The following LAMA2 variants were observed in gnomAD, a reference collection of about 807,000 sequenced individuals.
The protein encoded by LAMA2 is laminin subunit alpha-2.
LAMA2 carries 269 observed loss-of-function variants against 364.8 expected under a neutral mutation model. The ratio of observed to expected loss-of-function variants is 0.74; its 90% CI spans 0.67 to 0.82. The LOEUF is 0.82. Among genes scored for constraint, LAMA2 ranks in the 40% least tolerant of loss-of-function variants. The pLI, the probability that LAMA2 is intolerant of heterozygous loss-of-function variation, is 0.00. For synonymous variants in LAMA2, 1,379 were observed against 1,370.6 expected, an observed-to-expected ratio of 1.01 and a Z score of -0.14; for missense variants, 3,807 against 3,873.2, an observed-to-expected ratio of 0.98 and a Z score of 0.45.
At chr6:128,934,360 A>G (rs79759754) in intron 1 of LAMA2, among the ~76,000 whole-genome samples, 12,001 of 152,076 alleles carry the variant, frequency 0.079, 657 homozygotes, top group Non-Finnish European at 0.12. Context: ...TGAAATCAGG[A>G]CCCATGGTGC....
intron 58 of LAMA2, among the ~76,000 whole-genome samples, chr6:129,498,376 C>CTGAT (rs1785359208): frequency 6.6e-6 from 1 of 152,196 alleles, no homozygotes; most frequent in Non-Finnish European, 1.5e-5. Flanking sequence ...AAAGGATAAA[C>CTGAT]TGATTGGATA....
At chr6:129,119,549 ATTAT>A (rs563539716) in intron 4 of LAMA2, among the ~76,000 whole-genome samples, 3 of 151,080 alleles carry the variant, frequency 2.0e-5, no homozygotes, top group Non-Finnish European at 4.4e-5. Flanking sequence ...TAATTAATTA[ATTAT>A]TTATTTATTT....
intron 29 of LAMA2, among the ~76,000 whole-genome samples, chr6:129,331,642 C>T (rs554959805): frequency 6.6e-6 from 1 of 152,076 alleles, no homozygotes; most frequent in East Asian, 1.9e-4. Flanking sequence ...TCTCCTCCTT[C>T]TTATATTGTC....
intron 1 of LAMA2, among the ~76,000 whole-genome samples, chr6:128,996,093 C>T (rs750117653): frequency 2.2e-4 from 34 of 152,118 alleles, no homozygotes; most frequent in African/African-American, 5.3e-4. Context: ...ATTGTATATG[C>T]GGTAAGTGCT....
Position 129,192,744 on chromosome 6 carries a change from A to G in LAMA2, c.1673A>G (p.Gln558Arg). The change falls in exon 12 of 65, where the codon CAG (glutamine) becomes CGG (arginine). Residue 558 changes from glutamine to arginine, a missense_variant. By Grantham distance (43) the Gln-to-Arg change is conservative. Coordinates refer to ENST00000421865, the MANE Select transcript of LAMA2 (RefSeq NM_000426.4). ...GGCCGCATTCGAGTGGCTCCCCAGCAGGACGACTTGGACTCACCTCAGCAG... is the reference window on the plus strand; with the variant it reads ...GGCCGCATTCGAGTGGCTCCCCAGCGGGACGACTTGGACTCACCTCAGCAG... ...LPGRIRVAPQ[Q>R]DDLDSPQQIS... 1 of 1,614,216 alleles carries G rather than the reference A, an allele frequency of 6.2e-7. No individual in the cohort carries two copies. The highest frequency in any genetic ancestry group is 8.5e-7 in the Non-Finnish European group (1 of 1,180,036).
chr6:129,345,800 C>T (rs186467027), intron 30 of LAMA2, among the ~76,000 whole-genome samples: 109 of 152,148 alleles, frequency 7.2e-4, no homozygotes, highest in African/African-American at 2.6e-3. Flanking sequence ...TTTCATGAGT[C>T]ACTTATATCA....
At chr6:129,022,442 C>T (rs1017345098) in intron 1 of LAMA2, among the ~76,000 whole-genome samples, 4 of 152,222 alleles carry the variant, frequency 2.6e-5, no homozygotes, top group East Asian at 1.9e-4. Flanking sequence ...TCATTTACTC[C>T]GAAATTAAGT....
At chr6:128,890,644 A>C (rs1397194640) in intron 1 of LAMA2, among the ~76,000 whole-genome samples, 1 of 152,022 alleles carries the variant, frequency 6.6e-6, no homozygotes, top group Non-Finnish European at 1.5e-5. Context: ...TGCATTCATC[A>C]AATTTTAGTG....
intron 41 of LAMA2, among the ~76,000 whole-genome samples, chr6:129,431,267 T>C (rs910860958): frequency 1.3e-5 from 2 of 151,666 alleles, no homozygotes; most frequent in Non-Finnish European, 2.9e-5. Context: ...GGCATGGTGG[T>C]GGGTGCCTGT....
chr6:129,171,248 T>C (rs1780131234), intron 9 of LAMA2, among the ~76,000 whole-genome samples: 1 of 152,226 alleles, frequency 6.6e-6, no homozygotes, highest in African/African-American at 2.4e-5. Flanking sequence ...GCTCGTTAGT[T>C]GATGCAGTTT....
intron 12 of LAMA2, among the ~76,000 whole-genome samples, chr6:129,225,351 T>A (rs1159076256): frequency 2.0e-5 from 3 of 152,230 alleles, no homozygotes; most frequent in Non-Finnish European, 4.4e-5. Context: ...TGCTCTGATC[T>A]TAGTTATTTC....
chr6:129,109,274 T>A (rs1010460229), intron 4 of LAMA2, among the ~76,000 whole-genome samples: 1 of 152,112 alleles, frequency 6.6e-6, no homozygotes, highest in African/African-American at 2.4e-5. Context: ...CTTTTATAAG[T>A]GGGCAACAGA....
At chr6:129,324,069 G>A (rs1775125851) in intron 28 of LAMA2, among the ~76,000 whole-genome samples, 1 of 152,136 alleles carries the variant, frequency 6.6e-6, no homozygotes, top group Non-Finnish European at 1.5e-5. Flanking sequence ...CACTTCTGTT[G>A]CACACCAGAG....
chr6:129,216,210 A>G (rs532001146), intron 12 of LAMA2, among the ~76,000 whole-genome samples: 6 of 152,266 alleles, frequency 3.9e-5, no homozygotes, highest in African/African-American at 1.2e-4. Context: ...AGAGATGGAA[A>G]CTTTATTGTT....
At chr6:129,458,390 C>G (rs1282826756) in intron 48 of LAMA2, among the ~76,000 whole-genome samples, 1 of 151,992 alleles carries the variant, frequency 6.6e-6, no homozygotes, top group Non-Finnish European at 1.5e-5. Context: ...CAAATGAAAT[C>G]TATAGCAAAC....
intron 1 of LAMA2, among the ~76,000 whole-genome samples, chr6:128,981,563 G>A (rs555367752): frequency 2.5e-4 from 33 of 133,162 alleles, no homozygotes; most frequent in Admixed American, 1.4e-3. Context: ...GGCAATATGC[G>A]AAACCCCATC....
chr6:129,147,264 CTTT>C lies in LAMA2; in HGVS notation c.909+231_909+233del, dbSNP rs10647857. 6.1e-3 allele frequency among the ~76,000 whole-genome samples: 767 copies of C among 125,600 alleles called. 8 individuals are homozygous for C. The highest frequency in any genetic ancestry group is 0.021 in the African/African-American group (720 of 35,014). The allele number at this position is 125,600 out of a possible 152,430, so 82.4% of individuals were successfully genotyped here. ...GTATAAGAAAACAGATTAGTTTTTC[CTTT>C]TTTTTTTTTTTTTTCAAAAAGGCTC... On this transcript the variant is annotated intron_variant, in intron 6 of 64. Coordinates refer to ENST00000421865, the MANE Select transcript of LAMA2 (RefSeq NM_000426.4).
In LAMA2 at chr6:128,960,384, G is replaced by A. The variant is rs551696963; in HGVS notation, c.112+77027G>A. ...ACAAAGTCTCGCTCTTGTCCCCCAG[G>A]CTGGAGTGCAATGGCATGATCTTGG... On this transcript the variant is annotated intron_variant, in intron 1 of 64. Transcript: ENST00000421865. Among the ~76,000 whole-genome samples, 389 of 146,180 alleles carry A rather than the reference G, an allele frequency of 2.7e-3. 3 individuals are homozygous for A. Among genetic ancestry groups the A allele is most frequent in the Non-Finnish European group, 4.7e-3 (314 of 67,216 alleles).
At chr6:128,887,652 T>G (rs1186390534) in intron 1 of LAMA2, among the ~76,000 whole-genome samples, 1 of 152,008 alleles carries the variant, frequency 6.6e-6, no homozygotes, top group African/African-American at 2.4e-5. Context: ...GTGGATCACC[T>G]TAGGTCAGGA....
Sources: allele counts gnomAD v4.1 joint callset (sites outside exome capture counted in the v4.1 genomes callset), GRCh38; gene constraint gnomAD v4.1.1; transcripts MANE v1.5; gene names NCBI Gene and HGNC (gene_info 2026-07-23, HGNC 2026-07-21).